ZNF493: variants seen among roughly 807,000 people sequenced by gnomAD.
ZNF493 encodes zinc finger protein 493.
In ZNF493, 11 loss-of-function variants were observed where a neutral mutation model predicts 12.2. That is an observed-to-expected ratio of 0.90 (90% CI 0.57 to 1.50). The LOEUF is 1.50. Among genes scored for constraint, ZNF493 ranks in the 40% most tolerant of loss-of-function variants. ZNF493 has a pLI of 0.00. For synonymous variants in ZNF493, 286 were observed against 302.6 expected (o/e 0.95, Z 0.57); for missense variants, 950 against 906.6 (o/e 1.05, Z -0.61).
chr19:21,425,753 T>C lies in ZNF493; in HGVS notation c.*769T>C. 1.7e-6 allele frequency: 1 copy of C among 603,760 alleles called. No homozygotes were observed. The highest frequency in any genetic ancestry group is 3.1e-6 in the Non-Finnish European group (1 of 322,800). 37.4% of individuals were successfully genotyped at this position (603,760 alleles called of 1,614,324 possible). On this transcript the variant is annotated 3_prime_UTR_variant, in exon 4 of 4. Transcript: ENST00000392288. The stretch of plus-strand genomic sequence containing the variant: ...CAAACCTTACTAAACATAAGATAAC[T>C]CATACTGGAGAAAAATCTTACAAAT...
rs750394398 is a variant in ZNF493, at chr19:21,423,274, TAGAG to T, written c.619_622del (p.Glu207IlefsTer78). ...TATGTCAGCATAAAAGAATTCATAT[TAGAG>T]AGAATTCTTACCGATGTGAAGAATG... On this transcript the variant is annotated frameshift_variant, in exon 4 of 4. Coordinates refer to ENST00000392288, the MANE Select transcript of ZNF493 (RefSeq NM_001076678.3). LOFTEE classifies it low-confidence loss of function (END_TRUNC). The T allele has an allele frequency of 3.2e-5, 52 of 1,613,700 alleles. No individual in the cohort carries two copies. Among genetic ancestry groups the T allele is most frequent in the African/African-American group, 4.0e-5 (3 of 74,912 alleles).
chr19:21,405,682 C>T (rs1179471290), intron 2 of ZNF493, 79 bp from the exon 3 acceptor site: 4 of 1,218,304 alleles, frequency 3.3e-6, no homozygotes, highest in South Asian at 3.1e-5. Context: ...TCTATTACAT[C>T]CTCTTTACTA....
intron 2 of ZNF493, 41 bp downstream of exon 2, chr19:21,405,296 A>C: frequency 6.3e-7 from 1 of 1,576,858 alleles, no homozygotes; most frequent in Non-Finnish European, 8.6e-7. Context: ...TATACCCTAA[A>C]GTTTTCATTT....
chr19:21,409,416 C>A (rs1290194420), intron 3 of ZNF493, among the ~76,000 whole-genome samples: 1 of 151,958 alleles, frequency 6.6e-6, no homozygotes, highest in Non-Finnish European at 1.5e-5. Context: ...TGTAAAAACA[C>A]ATAAAATTTA....
At chr19:21,416,445 A>G (rs1018583379) in intron 3 of ZNF493, among the ~76,000 whole-genome samples, 5 of 152,220 alleles carry the variant, frequency 3.3e-5, no homozygotes, top group Non-Finnish European at 7.3e-5. Context: ...AATGTAAAAT[A>G]TAACTACTTC....
intron 3 of ZNF493, among the ~76,000 whole-genome samples, chr19:21,420,360 T>C (rs2030619335): frequency 6.6e-6 from 1 of 151,704 alleles, no homozygotes; most frequent in Admixed American, 6.6e-5. Context: ...TTCTTTGTGC[T>C]AAGAAATTTA....
At chr19:21,406,010 C>T (rs2030113722) in intron 3 of ZNF493, among the ~76,000 whole-genome samples, 154 bp downstream of exon 3, 2 of 151,386 alleles carry the variant, frequency 1.3e-5, no homozygotes, top group African/African-American at 4.9e-5. Context: ...CACCTGAGCT[C>T]AGGAGTTCGA....
intron 3 of ZNF493, among the ~76,000 whole-genome samples, chr19:21,416,643 A>G (rs759818694): frequency 3.3e-5 from 5 of 152,154 alleles, no homozygotes; most frequent in African/African-American, 7.2e-5. Flanking sequence ...GATTTACCCA[A>G]TAAGCTACTT....
chr19:21,411,772 T>TA (rs924786623), intron 3 of ZNF493, among the ~76,000 whole-genome samples: 4 of 151,546 alleles, frequency 2.6e-5, no homozygotes, highest in Non-Finnish European at 5.9e-5. Flanking sequence ...TTGTAATTTT[T>TA]TTTTTTTTTG....
At chr19:21,417,679 G>A (rs1262550288) in intron 3 of ZNF493, among the ~76,000 whole-genome samples, 10 of 152,130 alleles carry the variant, frequency 6.6e-5, no homozygotes, top group Non-Finnish European at 1.3e-4. Context: ...GACCAGTTGT[G>A]CATCTAAACC....
intron 2 of ZNF493, chr19:21,405,550 A>C: frequency 7.8e-7 from 1 of 1,283,978 alleles, no homozygotes; most frequent in Non-Finnish European, 1.0e-6. Flanking sequence ...ATATGCCACC[A>C]CTAATTTTTT....
intron 3 of ZNF493, chr19:21,413,045 C>T: frequency 3.3e-6 from 1 of 306,976 alleles, no homozygotes; most frequent in East Asian, 1.2e-4. Context: ...GGCTGTGGCA[C>T]ACAGACTGAG....
At position 21,405,169 on chromosome 19, in the gene ZNF493, T is replaced by C. The variant is rs781106841; in HGVS notation, c.71T>C (p.Leu24Pro). Reference protein sequence around the residue: ...TFRDVAIEFSLEEWQCLDTAQ... With the variant: ...TFRDVAIEFSPEEWQCLDTAQ... Reference sequence around the variant, plus strand: ...AGGGATGTGGCCATAGAATTCTCTCTGGAGGAGTGGCAATGCCTGGACACT... The same window carrying C: ...AGGGATGTGGCCATAGAATTCTCTCCGGAGGAGTGGCAATGCCTGGACACT... The change falls in exon 2 of 4, where the codon CTG (leucine) becomes CCG (proline). Residue 24 changes from leucine (L) to proline (P), a missense_variant. Transcript: ENST00000392288. The C allele has an allele frequency of 2.5e-6, 4 of 1,613,926 alleles. No individual in the cohort carries two copies. Among genetic ancestry groups the C allele is most frequent in the East Asian group, 2.2e-5 (1 of 44,882 alleles).
Position 21,409,139 on chromosome 19 carries a change from C to T in ZNF493, c.253+3283C>T, listed in dbSNP as rs188973760. Among the ~76,000 whole-genome samples the T allele has an allele frequency of 5.4e-4, 82 of 152,220 alleles. 1 individual carries two copies. In the East Asian group the frequency reaches 0.01, roughly 19 times the overall value. ...GACCTCGTGATCTGCCTGCCTCAGC[C>T]TCCCAAAGTGCTGGGATCAGAGATG... On this transcript the variant is annotated intron_variant, in intron 3 of 3. Coordinates refer to ENST00000392288, the MANE Select transcript of ZNF493 (RefSeq NM_001076678.3).
chr19:21,411,379 T>C (rs2030321369), intron 3 of ZNF493, among the ~76,000 whole-genome samples: 1 of 152,130 alleles, frequency 6.6e-6, no homozygotes, highest in African/African-American at 2.4e-5. Flanking sequence ...GTCTCTCTGT[T>C]CTTTTTTATG....
chr19:21,404,359 C>T (rs1568377436), intron 1 of ZNF493, among the ~76,000 whole-genome samples: 1 of 152,142 alleles, frequency 6.6e-6, no homozygotes, highest in Non-Finnish European at 1.5e-5. Context: ...AAACATTTGT[C>T]CTAATGCAGT....
In ZNF493 at chr19:21,397,210, T is replaced by A. The variant is rs62110379; in HGVS notation, c.-28T>A. 2.5e-6 allele frequency: 4 copies of A among 1,613,876 alleles called. No individual in the cohort carries two copies. The highest frequency in any genetic ancestry group is 1.6e-4 in the Middle Eastern group (1 of 6,062). On this transcript the variant is annotated 5_prime_UTR_variant, in exon 1 of 4. Coordinates refer to ENST00000392288, the MANE Select transcript of ZNF493 (RefSeq NM_001076678.3). The stretch of plus-strand genomic sequence containing the variant: ...CCTCAGCGTGTGTGGCTTCGTGACC[T>A]GAAGATACTGGGAAATCCATAGCTA...
At chr19:21,414,005 AT>A (rs1337530331) in intron 3 of ZNF493, 3 of 113,390 alleles carry the variant, frequency 2.6e-5, no homozygotes, top group African/African-American at 1.1e-4. Context: ...GATACCGGTA[AT>A]GTGTTTAATA....
At chr19:21,399,841 A>G (rs1298038066) in intron 1 of ZNF493, among the ~76,000 whole-genome samples, 2 of 152,182 alleles carry the variant, frequency 1.3e-5, no homozygotes, top group Non-Finnish European at 2.9e-5. Flanking sequence ...TTTCCATGAG[A>G]AAATGCGGTA....
Sources: allele counts gnomAD v4.1 joint callset (sites outside exome capture counted in the v4.1 genomes callset), GRCh38; gene constraint gnomAD v4.1.1; transcripts MANE v1.5; gene names NCBI Gene and HGNC (gene_info 2026-07-23, HGNC 2026-07-21).